Variants in KLHL17 observed in about 807,000 individuals in gnomAD.
The protein encoded by KLHL17 is kelch-like protein 17.
KLHL17 carries 71 observed loss-of-function variants against 64.6 expected under a neutral mutation model. The observed-to-expected ratio is 1.10, with a 90% confidence interval of 0.91 to 1.34. The LOEUF is 1.34. Among genes scored for constraint, KLHL17 ranks in the 40% most tolerant of loss-of-function variants. The pLI is 0.00. For synonymous variants in KLHL17, 612 were observed against 405.4 expected, an observed-to-expected ratio of 1.51 and a Z score of -6.12; for missense variants, 1,140 against 935.0, an observed-to-expected ratio of 1.22 and a Z score of -2.86.
intron 6 of KLHL17, 75 bp from the exon 7 acceptor site, chr1:963,034 G>T (rs914909223): frequency 1.9e-6 from 3 of 1,565,422 alleles, no homozygotes; most frequent in African/African-American, 2.7e-5. Flanking sequence ...CCATTCAGGG[G>T]CCTCTCCAGG....
Position 963,120 on chromosome 1 carries a change from C to T in KLHL17, c.1054C>T (p.Leu352=). ...PVLFAVGGGS[L]FAIHGDCEAY... The stretch of plus-strand genomic sequence containing the variant: ...CCTGCCCTCCCCAGGCGGCGGGAGC[C>T]TGTTTGCCATCCACGGAGACTGTGA... Residue 352 remains leucine (L), a synonymous_variant, in exon 7 of 12, where the codon CTG becomes TTG. Coordinates refer to ENST00000338591, the MANE Select transcript of KLHL17 (RefSeq NM_198317.3). 2 of 1,611,958 alleles carry T rather than the reference C, an allele frequency of 1.2e-6. No individual in the cohort carries two copies. The highest frequency in any genetic ancestry group is 1.7e-6 in the Non-Finnish European group (2 of 1,179,566).
In KLHL17 at chr1:962,741, A is replaced by G. The variant is rs1642717131; in HGVS notation, c.866A>G (p.Asp289Gly). The change falls in exon 6 of 12, where the codon GAC (aspartate) becomes GGC (glycine). Residue 289 changes from aspartate (D) to glycine (G), a missense_variant. Transcript: ENST00000338591. ...GTGCGGCTGCCCTTGCTGAGCCGCG[A>G]CTTCCTGCTGGGCCACGTGGATGCC... ...KCVRLPLLSR[D>G]FLLGHVDAES... 6.2e-7 allele frequency: 1 copy of G among 1,610,048 alleles called. No homozygotes were observed. The highest frequency in any genetic ancestry group is 8.5e-7 in the Non-Finnish European group (1 of 1,179,480).
Position 963,330 on chromosome 1 carries a change from C to T in KLHL17, c.1188-7C>T, listed in dbSNP as rs1642745856. Reference sequence around the variant, plus strand: ...AGTCTTGACCTGCAGTGGCTTAATTCCGCTAGCTATGATGGGACCTCAGAC... The same window carrying T: ...AGTCTTGACCTGCAGTGGCTTAATTTCGCTAGCTATGATGGGACCTCAGAC... On this transcript the variant is annotated splice_polypyrimidine_tract_variant and splice_region_variant and intron_variant, in intron 7 of 11. Coordinates refer to ENST00000338591, the MANE Select transcript of KLHL17 (RefSeq NM_198317.3). 3 of 1,606,552 alleles carry T rather than the reference C, an allele frequency of 1.9e-6. No individual in the cohort carries two copies. Among genetic ancestry groups the T allele is most frequent in the Non-Finnish European group, 8.5e-7 (1 of 1,175,156 alleles).
chr1:960,817 C>A lies in KLHL17; in HGVS notation c.107+17C>A. 1.0e-6 allele frequency: 1 copy of A among 995,766 alleles called. No homozygotes were observed. The highest frequency in any genetic ancestry group is 4.6e-5 in the South Asian group (1 of 21,804). The allele number at this position is 995,766 out of a possible 1,614,324, so 61.7% of individuals were successfully genotyped here. A position where few individuals can be genotyped will look rare whatever the true frequency, so the allele number is the denominator to read the frequency against. ...GCCGCCGGCGTGAGTGGGCGGGGGT[C>A]GGGGCGCGGGGGGCGGCCTCGGGAC... is the stretch of plus-strand genomic sequence containing the variant. On this transcript the variant is annotated intron_variant, in intron 1 of 11. Transcript: ENST00000338591.
rs756979776 is a variant in KLHL17 at position 964,978 on chromosome 1, G to C, written c.1716G>C (p.Leu572=). ...PMNIRRSTHD[L]VAMDGWLYAV... ...TTCCCCCCAGGAGCACGCATGACCTGGTGGCCATGGACGGATGGTTGTACG... is the reference window on the plus strand; with the variant it reads ...TTCCCCCCAGGAGCACGCATGACCTCGTGGCCATGGACGGATGGTTGTACG... Residue 572 remains leucine (L), a synonymous_variant, in exon 12 of 12, where the codon CTG becomes CTC. Coordinates refer to ENST00000338591, the MANE Select transcript of KLHL17 (RefSeq NM_198317.3). 4 of 1,608,838 alleles carry C rather than the reference G, an allele frequency of 2.5e-6. No homozygotes were observed. Among genetic ancestry groups the C allele is most frequent in the Non-Finnish European group, 3.4e-6 (4 of 1,177,106 alleles).
In KLHL17 at chr1:960,728, C is replaced by A; in HGVS notation, c.35C>A (p.Thr12Lys). Residue 12 changes from threonine to lysine, a missense_variant, in exon 1 of 12, where the codon ACG (threonine) becomes AAG (lysine). Physicochemically the swap from Thr to Lys is moderately conservative, Grantham distance 78. Transcript: ENST00000338591. Reference protein sequence around the residue: ...QPRSERPAGRTQSPEHGSPGP... With the variant: ...QPRSERPAGRKQSPEHGSPGP... ...CGCAGCGAGCGCCCGGCCGGCAGGA[C>A]GCAGAGCCCGGAGCACGGCAGCCCG... 1 of 1,335,446 alleles carries A rather than the reference C, an allele frequency of 7.5e-7. No homozygotes were observed. Among genetic ancestry groups the A allele is most frequent in the South Asian group, 1.6e-5 (1 of 63,650 alleles). 82.7% of individuals were successfully genotyped at this position (1,335,446 alleles called of 1,614,324 possible). A position where few individuals can be genotyped will look rare whatever the true frequency, so the allele number is the denominator to read the frequency against.
chr1:962,830 C>T lies in KLHL17; in HGVS notation c.955C>T (p.Leu319=). The T allele has an allele frequency of 1.2e-6, 2 of 1,606,122 alleles. No individual in the cohort carries two copies. Among genetic ancestry groups the T allele is most frequent in the South Asian group, 1.1e-5 (1 of 90,734 alleles). Residue 319 remains leucine, a synonymous_variant, in exon 6 of 12, where the codon CTG becomes TTG. Transcript: ENST00000338591. ...DLLIEALKFH[L]LPEQRGVLGT... ...CCTCATCGAGGCCCTGAAGTTCCAC[C>T]TGCTGCCTGAGCAGAGGGGCGTCCT...
intron 1 of KLHL17, 33 bp from the exon 2 acceptor site, chr1:961,260 C>A: frequency 7.4e-7 from 1 of 1,358,456 alleles, no homozygotes. Flanking sequence ...GCGGCTCCAG[C>A]GGGGCGAAGC....
Position 965,177 on chromosome 1 carries a change from TCCA to T in KLHL17, c.1919_1921del (p.Thr640del). On this transcript the variant is annotated inframe_deletion, in exon 12 of 12. Coordinates refer to ENST00000338591, the MANE Select transcript of KLHL17 (RefSeq NM_198317.3). The stretch of plus-strand genomic sequence containing the variant: ...ATCCTCCCCGACGCTGTCCGTGTCC[TCCA>T]CCAGCCTCTGACCCACCTACCACCA... 1 of 1,611,136 alleles carries T rather than the reference TCCA, an allele frequency of 6.2e-7. No individual in the cohort carries two copies. The highest frequency in any genetic ancestry group is 8.5e-7 in the Non-Finnish European group (1 of 1,179,520).
chr1:961,022 A>G, intron 1 of KLHL17: 1 of 224,738 alleles, frequency 4.4e-6, no homozygotes, highest in Non-Finnish European at 7.4e-6. Context: ...AGGGACGCGG[A>G]GGAGCTGAGC....
rs1291041776 is a variant in KLHL17 at position 963,098 on chromosome 1, G to C, written c.1043-11G>C. On this transcript the variant is annotated splice_polypyrimidine_tract_variant and intron_variant, in intron 6 of 11. Coordinates refer to ENST00000338591, the MANE Select transcript of KLHL17 (RefSeq NM_198317.3). Reference sequence around the variant, plus strand: ...CCACTCACGAGTCCCGTCTCCACCTGCCCTCCCCAGGCGGCGGGAGCCTGT... The same window carrying C: ...CCACTCACGAGTCCCGTCTCCACCTCCCCTCCCCAGGCGGCGGGAGCCTGT... The C allele has an allele frequency of 6.2e-7, 1 of 1,610,482 alleles. No homozygotes were observed. The highest frequency in any genetic ancestry group is 1.3e-5 in the African/African-American group (1 of 74,878).
intron 3 of KLHL17, 29 bp downstream of exon 3, chr1:961,779 GT>G: frequency 6.2e-7 from 1 of 1,611,686 alleles, no homozygotes; most frequent in Non-Finnish European, 8.5e-7. Flanking sequence ...GGATCCCGGT[GT>G]CCCCCGACCC....
intron 4 of KLHL17, 34 bp from the exon 5 acceptor site, chr1:962,321 C>T (rs1557630864): frequency 1.2e-6 from 2 of 1,611,468 alleles, no homozygotes; most frequent in Non-Finnish European, 1.7e-6. Flanking sequence ...CAGGACCCTC[C>T]CCAGATCTCA....
At position 964,421 on chromosome 1, in the gene KLHL17, GC is replaced by G; in HGVS notation, c.1594del (p.Leu532CysfsTer16). On this transcript the variant is annotated frameshift_variant, in exon 11 of 12. Coordinates refer to ENST00000338591, the MANE Select transcript of KLHL17 (RefSeq NM_198317.3). LOFTEE classifies it high-confidence loss of function. ...SSAGVAVLEG[A>X]LYVAGGNDGT... ...AGCGGGCGTGGCCGTGCTGGAGGGT[GC>G]CCTGTACGTGGCAGGGGGCAACGAC... 6.4e-7 allele frequency: 1 copy of G among 1,552,764 alleles called. No individual in the cohort carries two copies. Among genetic ancestry groups the G allele is most frequent in the African/African-American group, 1.4e-5 (1 of 72,132 alleles).
intron 1 of KLHL17, 102 bp downstream of exon 1, chr1:960,902 C>A (rs1642609131): frequency 2.9e-6 from 2 of 684,502 alleles, no homozygotes; most frequent in African/African-American, 2.0e-5. Context: ...TTCCGAGGGC[C>A]GGGGGAGGTC....
rs780420627 is a variant in KLHL17 at position 961,434 on chromosome 1, C to A, written c.249C>A (p.Ser83Arg). ...RHYHDAFVAM[S>R]RMRQRGLLCD... ...ACCACGATGCCTTCGTGGCCATGAG[C>A]CGCATGCGCCAGCGCGGCCTCCTGT... The change falls in exon 2 of 12, where the codon AGC becomes AGA. Residue 83 changes from serine to arginine, a missense_variant. Ser to Arg is a moderately radical substitution (Grantham distance 110). Transcript: ENST00000338591. 6.2e-7 allele frequency: 1 copy of A among 1,611,972 alleles called. No homozygotes were observed. Among genetic ancestry groups the A allele is most frequent in the Non-Finnish European group, 8.5e-7 (1 of 1,179,734 alleles).
In KLHL17 at chr1:963,184, C is replaced by T. The variant is rs1051919104; in HGVS notation, c.1118C>T (p.Ala373Val). Residue 373 changes from alanine to valine, a missense_variant, in exon 7 of 12, where the codon GCC (alanine) becomes GTC (valine). By Grantham distance (64) the Ala-to-Val change is moderately conservative. Transcript: ENST00000338591. ...DTRTDRWHVV[A>V]SMSTRRARVG... The stretch of plus-strand genomic sequence containing the variant: ...CGCACCGACCGCTGGCACGTGGTGG[C>T]CTCCATGTCCACGCGCCGGGCCCGG... 10 of 1,609,128 alleles carry T rather than the reference C, an allele frequency of 6.2e-6. No individual in the cohort carries two copies. The highest frequency in any genetic ancestry group is 1.1e-5 in the South Asian group (1 of 90,910).
Position 961,928 on chromosome 1 carries a change from C to T in KLHL17, c.592C>T (p.Arg198Trp), listed in dbSNP as rs548206227. 4 of 1,612,922 alleles carry T rather than the reference C, an allele frequency of 2.5e-6. No homozygotes were observed. The highest frequency in any genetic ancestry group is 2.2e-5 in the East Asian group (1 of 44,884). Residue 198 changes from arginine to tryptophan, a missense_variant, in exon 4 of 12, where the codon CGG becomes TGG. Transcript: ENST00000338591. ...QLDPSNCLGI[R>W]GFADAHSCSD... ...CGACCCCTCCAACTGCCTGGGTATC[C>T]GGGGCTTTGCCGATGCGCACTCCTG...
chr1:960,897 A>T, intron 1 of KLHL17, 97 bp downstream of exon 1: 1 of 805,086 alleles, frequency 1.2e-6, no homozygotes, highest in Non-Finnish European at 1.5e-6. Flanking sequence ...GCCGCTTCCG[A>T]GGGCCGGGGG....
Sources: gnomAD v4.1 joint callset for allele counts on GRCh38, gnomAD v4.1.1 for gene constraint, MANE v1.5 for transcripts, NCBI Gene and HGNC (gene_info 2026-07-23, HGNC 2026-07-21) for gene names.